EFR3A: variants seen among roughly 807,000 people sequenced by gnomAD.
The protein encoded by EFR3A is protein EFR3 homolog A.
Under a neutral mutation model 104.4 loss-of-function variants are expected in EFR3A, and 76 were observed. The ratio of observed to expected loss-of-function variants is 0.73; its 90% CI spans 0.60 to 0.88. The LOEUF is 0.88. EFR3A is among the 40% of genes least tolerant of loss of function. The probability of loss-of-function intolerance (pLI) is 0.00; values close to 1 mark genes in which losing one functional copy is unlikely to be tolerated. For missense variants in EFR3A, 985 were observed against 1,012.5 expected, an observed-to-expected ratio of 0.97 and a Z score of 0.37; for synonymous variants, 330 against 330.0, an observed-to-expected ratio of 1.00 and a Z score of 0.00.
At chr8:132,010,300 T>C (rs1369527098) in intron 22 of EFR3A, among the ~76,000 whole-genome samples, 1 of 150,720 alleles carries the variant, frequency 6.6e-6, no homozygotes, top group East Asian at 2.0e-4. Flanking sequence ...TGACAATCAG[T>C]CGGAATAAAA....
chr8:131,933,648 A>G (rs961630620), intron 1 of EFR3A, among the ~76,000 whole-genome samples: 1 of 152,126 alleles, frequency 6.6e-6, no homozygotes, highest in African/African-American at 2.4e-5. Flanking sequence ...ATATGATAAT[A>G]TACAGTAAAG....
intron 1 of EFR3A, among the ~76,000 whole-genome samples, chr8:131,926,010 G>A (rs989388629): frequency 1.1e-4 from 16 of 151,794 alleles, no homozygotes; most frequent in Non-Finnish European, 2.1e-4. Context: ...TAATCACACT[G>A]TCAAGGCTAA....
intron 1 of EFR3A, among the ~76,000 whole-genome samples, chr8:131,935,251 A>T (rs1043975552): frequency 6.6e-6 from 1 of 152,194 alleles, no homozygotes; most frequent in African/African-American, 2.4e-5. Flanking sequence ...ATAGGAGCAG[A>T]TGTTAAACTC....
Position 132,011,514 on chromosome 8 carries a change from A to G in EFR3A, c.*619A>G, listed in dbSNP as rs751407512. ...CCTCGAATATAACCCTAAAAACGCC[A>G]TACTTTAAATTGTCTGGTTCTTGTA... On this transcript the variant is annotated 3_prime_UTR_variant, in exon 23 of 23. Coordinates refer to ENST00000254624, the MANE Select transcript of EFR3A (RefSeq NM_015137.6). 23 of 776,330 alleles carry G rather than the reference A, an allele frequency of 3.0e-5. No homozygotes were observed. The highest frequency in any genetic ancestry group is 3.4e-5 in the Non-Finnish European group (22 of 638,846). The allele number at this position is 776,330 out of a possible 1,614,324, so 48.1% of individuals were successfully genotyped here. A position where few individuals can be genotyped will look rare whatever the true frequency, so the allele number is the denominator to read the frequency against.
intron 14 of EFR3A, among the ~76,000 whole-genome samples, chr8:131,983,750 A>G (rs981350430): frequency 1.3e-5 from 2 of 152,116 alleles, no homozygotes; most frequent in African/African-American, 2.4e-5. Context: ...TCCTCTCAGT[A>G]CAATAATCTT....
In EFR3A at chr8:131,955,921, T is replaced by C; in HGVS notation, c.776+16T>C. On this transcript the variant is annotated intron_variant, in intron 7 of 22. Transcript: ENST00000254624. ...CAGTTTTTGCGTAAGTAGTTGGTGT[T>C]TTCCTGGTTATTTGTGATTTTGCTG... 2 of 1,610,946 alleles carry C rather than the reference T, an allele frequency of 1.2e-6. No individual in the cohort carries two copies. The highest frequency in any genetic ancestry group is 1.7e-6 in the Non-Finnish European group (2 of 1,178,122).
chr8:131,921,910 T>C (rs537935446), intron 1 of EFR3A, among the ~76,000 whole-genome samples: 241 of 152,288 alleles, frequency 1.6e-3, no homozygotes, highest in African/African-American at 5.5e-3. Flanking sequence ...CGAAATCTTA[T>C]GTGTATTAGT....
chr8:131,948,433 C>T (rs373326369), intron 4 of EFR3A, among the ~76,000 whole-genome samples: 33 of 152,130 alleles, frequency 2.2e-4, no homozygotes, highest in African/African-American at 7.2e-4. Context: ...GTAGTAAGAG[C>T]GTTAAATAAA....
At position 131,955,906 on chromosome 8, in the gene EFR3A, G is replaced by GT. The variant is rs751636171; in HGVS notation, c.776+2dup. ...ATAATGCTGTTAGACCAGTTTTTGC[G>GT]TAAGTAGTTGGTGTTTTCCTGGTTA... On this transcript the variant is annotated splice_donor_variant, in intron 7 of 22. Coordinates refer to ENST00000254624, the MANE Select transcript of EFR3A (RefSeq NM_015137.6). LOFTEE classifies it high-confidence loss of function. 1.2e-6 allele frequency: 2 copies of GT among 1,612,242 alleles called. No homozygotes were observed. The highest frequency in any genetic ancestry group is 2.7e-5 in the African/African-American group (2 of 74,836).
intron 16 of EFR3A, among the ~76,000 whole-genome samples, chr8:131,985,576 T>C (rs1164881447): frequency 6.6e-6 from 1 of 152,234 alleles, no homozygotes; most frequent in Non-Finnish European, 1.5e-5. Context: ...AAAAGTCCAC[T>C]TTTAAAGACA....
Position 132,011,105 on chromosome 8 carries a change from T to C in EFR3A, c.*210T>C. On this transcript the variant is annotated 3_prime_UTR_variant, in exon 23 of 23. Coordinates refer to ENST00000254624, the MANE Select transcript of EFR3A (RefSeq NM_015137.6). ...CAAAGATAGATTTATGCCATGTTAA[T>C]TTGCTTTGAGGTTCCTGTTGCCTTT... is the stretch of plus-strand genomic sequence containing the variant. 1.6e-6 allele frequency: 2 copies of C among 1,223,848 alleles called. No homozygotes were observed. The highest frequency in any genetic ancestry group is 2.0e-6 in the Non-Finnish European group (2 of 976,348). 75.8% of individuals were successfully genotyped at this position (1,223,848 alleles called of 1,614,324 possible). A position where few individuals can be genotyped will look rare whatever the true frequency, so the allele number is the denominator to read the frequency against.
intron 1 of EFR3A, among the ~76,000 whole-genome samples, chr8:131,933,918 T>G (rs945092894): frequency 2.0e-5 from 3 of 152,154 alleles, no homozygotes; most frequent in Admixed American, 2.0e-4. Flanking sequence ...AGACCATCTT[T>G]TAAAACAGAA....
intron 1 of EFR3A, chr8:131,938,383 G>A (rs1818011658): frequency 1.0e-5 from 4 of 394,096 alleles, no homozygotes; most frequent in African/African-American, 2.1e-5. Context: ...TTATTTAAAA[G>A]TCTATATAGT....
chr8:131,991,547 CAGTT>C lies in EFR3A; in HGVS notation c.2065+3848_2065+3851del, dbSNP rs550403085. On this transcript the variant is annotated intron_variant, in intron 18 of 22. Coordinates refer to ENST00000254624, the MANE Select transcript of EFR3A (RefSeq NM_015137.6). Reference sequence around the variant, plus strand: ...ACATGCAAGTAAAGTAGCTTGTAGGCAGTTAGGAGATAGGACTGGGTTTTGTGTG... The same window carrying C: ...ACATGCAAGTAAAGTAGCTTGTAGGCAGGAGATAGGACTGGGTTTTGTGTG... Among the ~76,000 whole-genome samples the C allele has an allele frequency of 3.6e-3, 554 of 152,050 alleles. 3 individuals are homozygous for C. The highest frequency in any genetic ancestry group is 0.013 in the African/African-American group (529 of 41,476).
chr8:131,915,720 G>A (rs1816713775), intron 1 of EFR3A, among the ~76,000 whole-genome samples: 1 of 152,170 alleles, frequency 6.6e-6, no homozygotes, highest in Non-Finnish European at 1.5e-5. Flanking sequence ...GGTCAAAGGA[G>A]AAATGCTGGA....
chr8:131,950,011 C>G lies in EFR3A; in HGVS notation c.409C>G (p.His137Asp). 1 of 1,605,540 alleles carries G rather than the reference C, an allele frequency of 6.2e-7. No individual in the cohort carries two copies. Among genetic ancestry groups the G allele is most frequent in the East Asian group, 2.2e-5 (1 of 44,648 alleles). The part of the protein sequence containing the change: ...ANIEEDTPSY[H>D]RRYDFFVSRF... ...TATTGAAGAAGACACACCATCCTAT[C>G]ACAGACGTTATGACTTTTTTGTGTC... Residue 137 changes from histidine to aspartate, a missense_variant, in exon 5 of 23, where the codon CAC becomes GAC. By Grantham distance (81) the His-to-Asp change is moderately conservative (BLOSUM62 -1). Transcript: ENST00000254624.
At position 131,984,281 on chromosome 8, in the gene EFR3A, G is replaced by A. The variant is rs764336419; in HGVS notation, c.1718G>A (p.Arg573Gln). 61 of 1,601,010 alleles carry A rather than the reference G, an allele frequency of 3.8e-5. No individual in the cohort carries two copies. The highest frequency in any genetic ancestry group is 1.7e-4 in the Middle Eastern group (1 of 5,968). Reference sequence around the variant, plus strand: ...GAAGAAGTAGTTATTGATCTCATTCGACTGGCCATTGCTTTACAGGTATGC... The same window carrying A: ...GAAGAAGTAGTTATTGATCTCATTCAACTGGCCATTGCTTTACAGGTATGC... ...ANEEVVIDLI[R>Q]LAIALQDSAI... The change falls in exon 15 of 23, where the codon CGA (arginine) becomes CAA (glutamine). Residue 573 changes from arginine (R) to glutamine (Q), a missense_variant. Coordinates refer to ENST00000254624, the MANE Select transcript of EFR3A (RefSeq NM_015137.6).
intron 1 of EFR3A, among the ~76,000 whole-genome samples, chr8:131,908,754 T>G (rs981896112): frequency 6.6e-6 from 1 of 152,214 alleles, no homozygotes; most frequent in African/African-American, 2.4e-5. Flanking sequence ...TCCCATCAGT[T>G]TTACACTGTC....
rs775864977 is a variant in EFR3A, at chr8:131,955,911, T to C, written c.776+6T>C. 9.9e-6 allele frequency: 16 copies of C among 1,612,282 alleles called. No homozygotes were observed. Among genetic ancestry groups the C allele is most frequent in the Non-Finnish European group, 1.4e-5 (16 of 1,178,974 alleles). Reference sequence around the variant, plus strand: ...GCTGTTAGACCAGTTTTTGCGTAAGTAGTTGGTGTTTTCCTGGTTATTTGT... The same window carrying C: ...GCTGTTAGACCAGTTTTTGCGTAAGCAGTTGGTGTTTTCCTGGTTATTTGT... On this transcript the variant is annotated splice_donor_region_variant and intron_variant, in intron 7 of 22. Transcript: ENST00000254624.
Sources: allele counts gnomAD v4.1 joint callset (sites outside exome capture counted in the v4.1 genomes callset), GRCh38; gene constraint gnomAD v4.1.1; transcripts MANE v1.5; gene names NCBI Gene and HGNC (gene_info 2026-07-23, HGNC 2026-07-21).